The following ZDHHC11 variants were observed in gnomAD, a reference collection of about 807,000 sequenced individuals.
ZDHHC11 encodes zDHHC palmitoyltransferase 11, also known as palmitoyltransferase ZDHHC11.
ZDHHC11 carries 44 observed loss-of-function variants against 51.3 expected under a neutral mutation model. The ratio of observed to expected loss-of-function variants is 0.86; its 90% CI spans 0.67 to 1.10. The LOEUF is 1.10. ZDHHC11 is among the 50% of genes least tolerant of loss of function. The pLI, the probability that ZDHHC11 is intolerant of heterozygous loss-of-function variation, is 0.00. For missense variants in ZDHHC11, 400 were observed against 537.7 expected (o/e 0.74, Z 2.53); for synonymous variants, 163 against 222.0 (o/e 0.73, Z 2.36).
chr5:836,872 C>T lies in ZDHHC11; in HGVS notation c.900+493G>A, dbSNP rs1012762087. On this transcript the variant is annotated intron_variant, in intron 6 of 12. Transcript: ENST00000283441. ...GGCCAGAAGTTTGAGACCAGCCTGG[C>T]GTGTTAAAACCACATCTCTACTAAA... Among the ~76,000 whole-genome samples the T allele has an allele frequency of 1.1e-4, 16 of 149,752 alleles. 3 individuals carry two copies. Among genetic ancestry groups the T allele is most frequent in the African/African-American group, 2.2e-4 (9 of 40,644 alleles).
chr5:839,528 G>A (rs1201323068), intron 5 of ZDHHC11: 4 of 149,918 alleles, frequency 2.7e-5, no homozygotes, highest in African/African-American at 5.0e-5. Flanking sequence ...AGACAACAGT[G>A]ACTGTAAGAT....
At chr5:823,926 T>A (rs1196873739) in intron 8 of ZDHHC11, 2 of 390,828 alleles carry the variant, frequency 5.1e-6, no homozygotes, top group African/African-American at 4.1e-5. Flanking sequence ...GGCTGGGGGC[T>A]CAATCGATTT....
At chr5:801,435 T>A (rs12653947) in intron 11 of ZDHHC11, among the ~76,000 whole-genome samples, 3,614 of 150,948 alleles carry the variant, frequency 0.024, 1 homozygote, top group East Asian at 0.12. Flanking sequence ...GAGGGTCTTG[T>A]GGTAGCCAAG....
chr5:851,853 C>G (rs1342925636), upstream of ZDHHC11, among the ~76,000 whole-genome samples: 1 of 152,168 alleles, frequency 6.6e-6, no homozygotes, highest in African/African-American at 2.4e-5. Context: ...GTCAGGAGTT[C>G]CAGACCAGCC....
chr5:797,100 A>G (rs7718075), intron 12 of ZDHHC11, among the ~76,000 whole-genome samples: 30,947 of 148,824 alleles, frequency 0.21, 3,743 homozygotes, highest in African/African-American at 0.4. Context: ...CCAGCTACTC[A>G]GGAAGCTGAG....
intron 4 of ZDHHC11, chr5:841,582 C>G: frequency 1.3e-5 from 13 of 1,000,806 alleles, no homozygotes; most frequent in Non-Finnish European, 1.4e-5. Flanking sequence ...TCTGCCAGGC[C>G]CCAGCACCCA....
chr5:856,958 A>G (rs912677181), intron 1 of ZDHHC11, among the ~76,000 whole-genome samples: 4 of 151,304 alleles, frequency 2.6e-5, no homozygotes, highest in Non-Finnish European at 5.9e-5. Flanking sequence ...TTTGCACTAC[A>G]CACCGCATAC....
chr5:828,623 AC>A (rs1742659876), intron 7 of ZDHHC11, among the ~76,000 whole-genome samples: 1 of 151,382 alleles, frequency 6.6e-6, no homozygotes, highest in African/African-American at 2.4e-5. Context: ...AGAAACAATG[AC>A]CTTAAACTAT....
chr5:856,868 T>G (rs1031402180), intron 1 of ZDHHC11, among the ~76,000 whole-genome samples: 1 of 137,826 alleles, frequency 7.3e-6, no homozygotes, highest in Non-Finnish European at 1.6e-5. Flanking sequence ...ACTGCACACA[T>G]ACCACACCCC....
In ZDHHC11 at chr5:819,971, C is replaced by T. The variant is rs532738247; in HGVS notation, c.1059-359G>A. The stretch of plus-strand genomic sequence containing the variant: ...AGGTGACTGTAATTTTATAAAACAG[C>T]ACATCATACATGTCACAGGGGTGTC... On this transcript the variant is annotated intron_variant, in intron 9 of 12. Coordinates refer to ENST00000283441, the MANE Select transcript of ZDHHC11 (RefSeq NM_024786.3). 8.6e-4 allele frequency among the ~76,000 whole-genome samples: 131 copies of T among 151,514 alleles called. 3 individuals are homozygous for T. The highest frequency in any genetic ancestry group is 5.3e-3 in the Admixed American group (81 of 15,232).
chr5:836,492 A>G (rs1378231592), intron 6 of ZDHHC11, among the ~76,000 whole-genome samples: 2 of 150,240 alleles, frequency 1.3e-5, no homozygotes, highest in African/African-American at 4.9e-5. Context: ...TCAGGTTGAT[A>G]GTGGCATTGC....
At position 828,280 on chromosome 5, in the gene ZDHHC11, G is replaced by C. The variant is rs562203597; in HGVS notation, c.936-3029C>G. 8.6e-5 allele frequency among the ~76,000 whole-genome samples: 13 copies of C among 151,448 alleles called. 1 individual carries two copies. In the South Asian group the frequency reaches 2.7e-3, roughly 31 times the overall value. On this transcript the variant is annotated intron_variant, in intron 7 of 12. Transcript: ENST00000283441. ...ACCTTCCAGACGGGGTGGTGGCCGG[G>C]CAGAGGGGCTCCTCACTTCCCAGAA...
intron 3 of ZDHHC11, among the ~76,000 whole-genome samples, 187 bp downstream of exon 3, chr5:847,327 C>T (rs1247249157): frequency 1.3e-5 from 2 of 151,732 alleles, no homozygotes; most frequent in Admixed American, 6.6e-5. Flanking sequence ...GGGACGGCTG[C>T]ACCACAGCCC....
intron 4 of ZDHHC11, chr5:841,836 T>C: frequency 1.0e-6 from 1 of 993,616 alleles, no homozygotes; most frequent in Non-Finnish European, 1.2e-6. Context: ...GAGGGATGGA[T>C]TCAGCATGGA....
upstream of ZDHHC11, among the ~76,000 whole-genome samples, chr5:854,975 C>G: frequency 7.1e-6 from 1 of 141,398 alleles, no homozygotes. Flanking sequence ...ACAGACCCCA[C>G]GGAGGACAGC....
chr5:836,255 T>G (rs530021640), intron 6 of ZDHHC11, among the ~76,000 whole-genome samples: 1 of 150,532 alleles, frequency 6.6e-6, no homozygotes, highest in Admixed American at 6.6e-5. Flanking sequence ...AACCCTTTTC[T>G]GCATTGATTG....
intron 11 of ZDHHC11, among the ~76,000 whole-genome samples, chr5:811,746 A>G (rs1416730106): frequency 6.6e-6 from 1 of 151,176 alleles, no homozygotes; most frequent in Non-Finnish European, 1.5e-5. Flanking sequence ...GGTTTCCTGG[A>G]ACCGAAACAA....
intron 11 of ZDHHC11, among the ~76,000 whole-genome samples, chr5:809,028 TC>T (rs1183168034): frequency 7.9e-6 from 1 of 125,870 alleles, no homozygotes; most frequent in Admixed American, 9.1e-5. Context: ...CACTATTTAT[TC>T]CCCACCTGTC....
intron 7 of ZDHHC11, among the ~76,000 whole-genome samples, chr5:833,557 G>C (rs1743344020): frequency 6.6e-6 from 1 of 151,538 alleles, no homozygotes; most frequent in African/African-American, 2.4e-5. Context: ...AGGGAGTGAA[G>C]AATGTAGTTT....
Sources: allele counts gnomAD v4.1 joint callset (sites outside exome capture counted in the v4.1 genomes callset), GRCh38; gene constraint gnomAD v4.1.1; transcripts MANE v1.5; gene names NCBI Gene and HGNC (gene_info 2026-07-23, HGNC 2026-07-21).